Variants in SLC12A8 observed in about 807,000 individuals in gnomAD.
SLC12A8 encodes the protein cation-chloride cotransporter 9.
A neutral mutation model predicts 75.6 loss-of-function variants in SLC12A8; 69 were observed. That is an observed-to-expected ratio of 0.91 (90% CI 0.75 to 1.11). The LOEUF (loss-of-function observed/expected upper bound fraction) is 1.11, where lower values mean the gene tolerates loss of function less well. Ranked by LOEUF, SLC12A8 falls within the 50% of genes most tolerant of loss-of-function variation. The pLI, the probability that SLC12A8 is intolerant of heterozygous loss-of-function variation, is 0.00. For synonymous variants in SLC12A8, 365 were observed against 372.8 expected (o/e 0.98, Z 0.24); for missense variants, 877 against 896.7 (o/e 0.98, Z 0.28).
chr3:125,206,085 T>C (rs1935221439), intron 2 of SLC12A8, among the ~76,000 whole-genome samples: 2 of 152,256 alleles, frequency 1.3e-5, no homozygotes, highest in African/African-American at 4.8e-5. Context: ...AGCAATATGC[T>C]ATTGCCTGGC....
chr3:125,167,519 T>C (rs1461682690), intron 5 of SLC12A8, among the ~76,000 whole-genome samples: 2 of 152,144 alleles, frequency 1.3e-5, no homozygotes, highest in African/African-American at 2.4e-5. Flanking sequence ...CAGACTGTTA[T>C]AGCCCCTCAC....
chr3:125,178,909 G>T (rs1037468800), intron 4 of SLC12A8, among the ~76,000 whole-genome samples: 1 of 152,238 alleles, frequency 6.6e-6, no homozygotes, highest in Non-Finnish European at 1.5e-5. Flanking sequence ...AAAATGAAAT[G>T]AAATCCTTGG....
At chr3:125,190,339 C>T in intron 3 of SLC12A8, 36 bp downstream of exon 3, 5 of 1,610,744 alleles carry the variant, frequency 3.1e-6, no homozygotes, top group Non-Finnish European at 4.2e-6. Context: ...TGTCTTGGGC[C>T]CGTGAGAGGC....
At chr3:125,195,755 C>G (rs775844736) in intron 2 of SLC12A8, among the ~76,000 whole-genome samples, 28 of 152,160 alleles carry the variant, frequency 1.8e-4, no homozygotes, top group Non-Finnish European at 3.7e-4. Flanking sequence ...CAGGACCACA[C>G]AGCAGCCTCA....
chr3:125,161,870 C>T (rs1488612378), intron 5 of SLC12A8, among the ~76,000 whole-genome samples: 4 of 152,216 alleles, frequency 2.6e-5, no homozygotes, highest in East Asian at 1.9e-4. Flanking sequence ...TAAGCATCTC[C>T]TTTCCTTGCA....
intron 10 of SLC12A8, among the ~76,000 whole-genome samples, chr3:125,095,457 C>A (rs7631123): frequency 1.5e-3 from 224 of 152,324 alleles, no homozygotes; most frequent in African/African-American, 5.2e-3. Flanking sequence ...CCATCCTAGT[C>A]CAACCCACTT....
intron 5 of SLC12A8, among the ~76,000 whole-genome samples, chr3:125,156,344 A>G (rs1362746376): frequency 6.6e-6 from 1 of 152,170 alleles, no homozygotes; most frequent in African/African-American, 2.4e-5. Flanking sequence ...CGTCTCCAGT[A>G]TCTCAGGGCC....
intron 5 of SLC12A8, among the ~76,000 whole-genome samples, chr3:125,156,979 C>T (rs76849925): frequency 0.013 from 1,948 of 152,244 alleles, 37 homozygotes; most frequent in African/African-American, 0.045. Context: ...TGTTTGCTTG[C>T]TTTTCTAACT....
At chr3:125,111,322 G>A (rs1273074268) in intron 8 of SLC12A8, among the ~76,000 whole-genome samples, 4 of 152,206 alleles carry the variant, frequency 2.6e-5, no homozygotes, top group African/African-American at 9.6e-5. Flanking sequence ...ACTTGCAAAA[G>A]ATCAGGGTCC....
chr3:125,176,189 T>C (rs1934523504), intron 5 of SLC12A8, among the ~76,000 whole-genome samples: 1 of 152,096 alleles, frequency 6.6e-6, no homozygotes, highest in African/African-American at 2.4e-5. Context: ...AGGCCCCACT[T>C]CTCACCTCAG....
intron 2 of SLC12A8, among the ~76,000 whole-genome samples, chr3:125,193,195 C>G (rs1329755372): frequency 6.6e-6 from 1 of 152,132 alleles, no homozygotes; most frequent in Non-Finnish European, 1.5e-5. Flanking sequence ...ATGGCGAAAC[C>G]CTGTCTCTGC....
chr3:125,179,118 C>A (rs921760287), intron 4 of SLC12A8, among the ~76,000 whole-genome samples: 1 of 152,192 alleles, frequency 6.6e-6, no homozygotes, highest in Admixed American at 6.5e-5. Flanking sequence ...TGTAGCCCTG[C>A]CCTTGCCATT....
chr3:125,209,493 T>C (rs1482562379), intron 2 of SLC12A8, among the ~76,000 whole-genome samples: 1 of 152,202 alleles, frequency 6.6e-6, no homozygotes, highest in Non-Finnish European at 1.5e-5. Context: ...ACTTCCACCA[T>C]TACTTTAAGA....
intron 6 of SLC12A8, among the ~76,000 whole-genome samples, chr3:125,126,259 G>A (rs1022095799): frequency 6.6e-6 from 1 of 152,132 alleles, no homozygotes; most frequent in Non-Finnish European, 1.5e-5. Context: ...GCTACACCTC[G>A]AGTGGCATCC....
intron 5 of SLC12A8, among the ~76,000 whole-genome samples, chr3:125,137,698 G>T (rs1161603007): frequency 6.6e-6 from 1 of 152,264 alleles, no homozygotes; most frequent in Non-Finnish European, 1.5e-5. Context: ...GGCCTGAAGG[G>T]CTTTGCCCTG....
At chr3:125,095,360 C>T (rs987471229) in intron 10 of SLC12A8, among the ~76,000 whole-genome samples, 73 of 152,330 alleles carry the variant, frequency 4.8e-4, no homozygotes, top group African/African-American at 1.7e-3. Context: ...TTCTCTCACA[C>T]CTATACTTAT....
chr3:125,118,658 A>G, intron 8 of SLC12A8, 111 bp downstream of exon 8: 2 of 709,198 alleles, frequency 2.8e-6, no homozygotes, highest in South Asian at 3.5e-5. Flanking sequence ...TTTTAAAAAG[A>G]CTATATGGAT....
intron 8 of SLC12A8, among the ~76,000 whole-genome samples, chr3:125,111,728 T>C (rs769825076): frequency 1.4e-4 from 22 of 152,192 alleles, no homozygotes; most frequent in Non-Finnish European, 2.8e-4. Context: ...ACTTCTTTCC[T>C]GGCTCATAAA....
intron 5 of SLC12A8, among the ~76,000 whole-genome samples, chr3:125,170,461 T>G (rs1934383697): frequency 6.6e-6 from 1 of 152,246 alleles, no homozygotes; most frequent in Admixed American, 6.5e-5. Context: ...TTTAAAAGAA[T>G]GAGGACATCC....
Sources: allele counts gnomAD v4.1 joint callset (sites outside exome capture counted in the v4.1 genomes callset), GRCh38; gene constraint gnomAD v4.1.1; transcripts MANE v1.5; gene names NCBI Gene and HGNC (gene_info 2026-07-23, HGNC 2026-07-21).